The following SASS6 variants were observed in gnomAD, a reference collection of about 807,000 sequenced individuals.
SASS6 encodes spindle assembly abnormal protein 6 homolog.
A neutral mutation model predicts 94.9 loss-of-function variants in SASS6; 59 were observed. The ratio of observed to expected loss-of-function variants is 0.62; its 90% CI spans 0.50 to 0.77. The LOEUF is 0.77. Ranked by LOEUF, SASS6 falls within the 30% of genes least tolerant of loss-of-function variation. The pLI is 0.00. For synonymous variants in SASS6, 264 were observed against 270.0 expected (o/e 0.98, Z 0.22); for missense variants, 698 against 734.1 (o/e 0.95, Z 0.57).
intron 8 of SASS6, among the ~76,000 whole-genome samples, chr1:100,108,232 A>G (rs1274569471): frequency 6.6e-6 from 1 of 152,116 alleles, no homozygotes; most frequent in Non-Finnish European, 1.5e-5. Flanking sequence ...TATCAAGGGA[A>G]AATAATTCTA....
chr1:100,103,050 T>C lies in SASS6; in HGVS notation c.1579A>G (p.Ile527Val), dbSNP rs149051289. 2.5e-6 allele frequency: 4 copies of C among 1,605,288 alleles called. No individual in the cohort carries two copies. The African/African-American group carries it at 5.4e-5, about 21-fold the overall frequency. Residue 527 changes from isoleucine to valine, a missense_variant, in exon 14 of 17, where the codon ATT becomes GTT. Coordinates refer to ENST00000287482, the MANE Select transcript of SASS6 (RefSeq NM_194292.3). ...DGRLTYPTCG[I>V]GYPVSSAFAF... ...AATGCAGAGGAGACAGGATAACCAA[T>C]CCCACAGGTTGGGTAAGTCAGTCTA...
At chr1:100,102,224 T>C (rs1399128031) in intron 14 of SASS6, among the ~76,000 whole-genome samples, 1 of 152,202 alleles carries the variant, frequency 6.6e-6, no homozygotes, top group Non-Finnish European at 1.5e-5. Context: ...GAGATAATGC[T>C]GTCAGAACTA....
chr1:100,123,041 C>T (rs1484761736), intron 3 of SASS6, among the ~76,000 whole-genome samples, 169 bp downstream of exon 3: 2 of 152,152 alleles, frequency 1.3e-5, no homozygotes, highest in Non-Finnish European at 2.9e-5. Context: ...TAATAACCCA[C>T]AAAATATTTA....
chr1:100,120,417 TA>T lies in SASS6; in HGVS notation c.525del (p.Lys176SerfsTer10). On this transcript the variant is annotated frameshift_variant, in exon 6 of 17. Transcript: ENST00000287482. LOFTEE classifies it high-confidence loss of function. ...ACCTTTCGTGTAAAGTCCAGTTGCT[TA>T]GTAGCATCATCTAGTGATTGCATCA... ...LSLMQSLDDATKQLDFTRKTL... is the reference protein window; with the variant it reads ...LSLMQSLDDAXKQLDFTRKTL... 1 of 1,532,226 alleles carries T rather than the reference TA, an allele frequency of 6.5e-7. No individual in the cohort carries two copies. The highest frequency in any genetic ancestry group is 9.0e-7 in the Non-Finnish European group (1 of 1,106,704). 94.9% of individuals were successfully genotyped at this position (1,532,226 alleles called of 1,614,324 possible).
At chr1:100,092,539 G>C (rs28730937) in intron 14 of SASS6, among the ~76,000 whole-genome samples, 3 of 151,982 alleles carry the variant, frequency 2.0e-5, no homozygotes, top group African/African-American at 7.2e-5. Flanking sequence ...GTAATATAAC[G>C]AACTAGTCTT....
chr1:100,107,311 G>A (rs1570696004), intron 11 of SASS6, 63 bp downstream of exon 11: 1 of 995,914 alleles, frequency 1.0e-6, no homozygotes, highest in African/African-American at 1.7e-5. Context: ...ATGTAACAAA[G>A]CATAAATTTT....
chr1:100,126,190 T>A (rs1262456180), intron 1 of SASS6, among the ~76,000 whole-genome samples: 2 of 152,198 alleles, frequency 1.3e-5, no homozygotes, highest in African/African-American at 4.8e-5. Flanking sequence ...ATCGTGAGGA[T>A]TAAATGAAAT....
At chr1:100,101,002 ATAT>A (rs752893219) in intron 14 of SASS6, among the ~76,000 whole-genome samples, 31 of 152,276 alleles carry the variant, frequency 2.0e-4, no homozygotes, top group Non-Finnish European at 3.8e-4. Flanking sequence ...ATTATTAATA[ATAT>A]AACATTTACA....
At chr1:100,092,573 T>C (rs553403404) in intron 14 of SASS6, among the ~76,000 whole-genome samples, 2 of 151,618 alleles carry the variant, frequency 1.3e-5, no homozygotes, top group Admixed American at 1.3e-4. Flanking sequence ...TTTTTTTGTG[T>C]TTTTTTGTTT....
intron 7 of SASS6, among the ~76,000 whole-genome samples, chr1:100,116,880 G>A (rs1162850774): frequency 6.6e-6 from 1 of 151,948 alleles, no homozygotes; most frequent in Non-Finnish European, 1.5e-5. Context: ...CTAGAGGGGT[G>A]GTCCAATTTC....
chr1:100,103,221 T>C (rs1652637539), intron 13 of SASS6, 138 bp from the exon 14 acceptor site: 3 of 565,472 alleles, frequency 5.3e-6, no homozygotes, highest in East Asian at 6.1e-5. Context: ...TTGTTTATCA[T>C]GCCACACAAC....
rs114667733 is a variant in SASS6, at chr1:100,110,191, G to C, written c.861+101C>G. The C allele has an allele frequency of 2.4e-3, 1,409 of 597,178 alleles. 15 individuals are homozygous for C. In the African/African-American group the frequency reaches 0.025, roughly 11 times the overall value. The allele number at this position is 597,178 out of a possible 1,614,324, so 37.0% of individuals were successfully genotyped here. A position where few individuals can be genotyped will look rare whatever the true frequency, so the allele number is the denominator to read the frequency against. On this transcript the variant is annotated intron_variant, in intron 8 of 16. Transcript: ENST00000287482. ...CTGAATGGATACCCTAACACCACAA[G>C]AGCATCCAGAGGAACACCACCCACA...
chr1:100,092,706 G>C (rs1651816810), intron 14 of SASS6, among the ~76,000 whole-genome samples: 1 of 152,010 alleles, frequency 6.6e-6, no homozygotes, highest in African/African-American at 2.4e-5. Context: ...CTCCCGAGTA[G>C]CTGACACTAC....
intron 14 of SASS6, among the ~76,000 whole-genome samples, chr1:100,102,196 G>C (rs960579872): frequency 2.0e-5 from 3 of 152,098 alleles, no homozygotes; most frequent in African/African-American, 4.8e-5. Context: ...TGGGGGGATT[G>C]CTAGTCATAT....
intron 7 of SASS6, among the ~76,000 whole-genome samples, chr1:100,111,264 A>T (rs1033060175): frequency 6.6e-6 from 1 of 152,046 alleles, no homozygotes; most frequent in African/African-American, 2.4e-5. Flanking sequence ...TTATATTGAC[A>T]TCCACATAAA....
At chr1:100,122,826 C>T (rs1654305879) in intron 3 of SASS6, among the ~76,000 whole-genome samples, 1 of 152,102 alleles carries the variant, frequency 6.6e-6, no homozygotes, top group African/African-American at 2.4e-5. Flanking sequence ...GCTGGGATTA[C>T]AGGCGTGAGC....
rs1421372685 is a variant in SASS6 at position 100,132,791 on chromosome 1, T to C, written c.24A>G (p.Gln8=). The change falls in exon 1 of 17, where the codon CAA becomes CAG. Residue 8 remains glutamine, a synonymous_variant. Coordinates refer to ENST00000287482, the MANE Select transcript of SASS6 (RefSeq NM_194292.3). The part of the protein sequence containing the change: MSQVLFH[Q]LVPLQVKCKD... ...TGCATTTCACCTGCAACGGGACTAG[T>C]TGGTGGAACAGCACTTGGCTCATGT... 6.2e-7 allele frequency: 1 copy of C among 1,614,114 alleles called. No homozygotes were observed. The highest frequency in any genetic ancestry group is 8.5e-7 in the Non-Finnish European group (1 of 1,179,962).
chr1:100,122,280 T>G lies in SASS6; in HGVS notation c.311+100A>C, dbSNP rs1053809245. 3 of 555,902 alleles carry G rather than the reference T, an allele frequency of 5.4e-6. No homozygotes were observed. In the African/African-American group the frequency reaches 5.9e-5, roughly 11 times the overall value. 34.4% of individuals were successfully genotyped at this position (555,902 alleles called of 1,614,324 possible). ...CCCCAGTTCTAAAAATAAACAGGGA[T>G]AGTCATAATAAACGGAAAAGATTTT... is the stretch of plus-strand genomic sequence containing the variant. On this transcript the variant is annotated intron_variant, in intron 4 of 16. Coordinates refer to ENST00000287482, the MANE Select transcript of SASS6 (RefSeq NM_194292.3).
chr1:100,123,993 C>T (rs1012574550), intron 2 of SASS6, among the ~76,000 whole-genome samples: 1 of 152,160 alleles, frequency 6.6e-6, no homozygotes, highest in African/African-American at 2.4e-5. Flanking sequence ...GAAAGAAAAA[C>T]AGCATTAGTT....
Sources: allele counts gnomAD v4.1 joint callset (sites outside exome capture counted in the v4.1 genomes callset), GRCh38; gene constraint gnomAD v4.1.1; transcripts MANE v1.5; gene names NCBI Gene and HGNC (gene_info 2026-07-23, HGNC 2026-07-21).